Variants in ABHD16A observed in about 807,000 individuals in gnomAD.
ABHD16A encodes the protein abhydrolase domain containing 16A, phospholipase, also known as phosphatidylserine lipase ABHD16A.
In ABHD16A, 47 loss-of-function variants were observed where a neutral mutation model predicts 89.8. The ratio of observed to expected loss-of-function variants is 0.52; its 90% confidence interval spans 0.41 to 0.67. ABHD16A has a LOEUF of 0.67. ABHD16A is among the 30% of genes least tolerant of loss of function. The pLI is 0.00. For synonymous variants in ABHD16A, 251 were observed against 280.4 expected (o/e 0.90, Z 1.05); for missense variants, 580 against 734.6 (o/e 0.79, Z 2.43).
chr6:31,691,367 A>G, intron 9 of ABHD16A: 1 of 557,848 alleles, frequency 1.8e-6, no homozygotes, highest in Non-Finnish European at 3.2e-6. Flanking sequence ...GTAACTATTA[A>G]TATTAGTTTC....
chr6:31,687,725 C>G lies in ABHD16A; in HGVS notation c.1463G>C (p.Arg488Pro). ...SQLEEASIYS[R>P]WEVEEDWCLS... is the part of the protein sequence containing the mutation. Reference sequence around the variant, plus strand: ...ACACCAGTCCTCTTCCACCTCCCATCGGCTATAAATTGAGGCTGGTCAGGG... The same window carrying G: ...ACACCAGTCCTCTTCCACCTCCCATGGGCTATAAATTGAGGCTGGTCAGGG... Residue 488 changes from arginine to proline, a missense_variant, in exon 18 of 20, where the codon CGA becomes CCA. Around this residue, in one of 2 missense-constraint regions of ABHD16A, gnomAD observed 415 missense variants for 568.8 expected, o/e 0.73. Coordinates refer to ENST00000395952, the MANE Select transcript of ABHD16A (RefSeq NM_021160.3). The surrounding 1 kb of genome is among the most constrained non-coding windows in gnomAD (Gnocchi z 6.3). The G allele has an allele frequency of 1.2e-6, 2 of 1,612,838 alleles. No homozygotes were observed. The highest frequency in any genetic ancestry group is 1.1e-5 in the South Asian group (1 of 91,076).
At chr6:31,696,207 T>G (rs1804378673) in intron 5 of ABHD16A, among the ~76,000 whole-genome samples, 1 of 151,392 alleles carries the variant, frequency 6.6e-6, no homozygotes, top group African/African-American at 2.4e-5. Context: ...GGTGTGCACC[T>G]GTAATTCCAG....
In ABHD16A at chr6:31,688,953, G is replaced by C. The variant is rs1222792102; in HGVS notation, c.1186+62C>G. 2.6e-6 allele frequency: 4 copies of C among 1,521,130 alleles called. No individual in the cohort carries two copies. The African/African-American group carries it at 5.5e-5, about 21-fold the overall frequency. The allele number at this position is 1,521,130 out of a possible 1,614,324, so 94.2% of individuals were successfully genotyped here. ...CACCCAAGAAAAGGGAGCCATCTCA[G>C]AACAGTTCCCAGTTCCAGCCCACCC... On this transcript the variant is annotated intron_variant, in intron 13 of 19. Transcript: ENST00000395952. This position sits in a 1 kb window ranked among gnomAD's most constrained non-coding sequence, Gnocchi z 4.9.
In ABHD16A at chr6:31,702,019, AAG is replaced by A. The variant is rs1805059312; in HGVS notation, c.189+53_189+54del. ...TCCCAAGTTAGGGAGGGCTAAGTTC[AAG>A]AGGACAGGTGGGTCTGAAAGATGCA... On this transcript the variant is annotated intron_variant, in intron 2 of 19. Coordinates refer to ENST00000395952, the MANE Select transcript of ABHD16A (RefSeq NM_021160.3). 3 of 1,606,068 alleles carry A rather than the reference AAG, an allele frequency of 1.9e-6. No individual in the cohort carries two copies. The East Asian group carries it at 6.7e-5, about 36-fold the overall frequency.
At chr6:31,696,308 G>A (rs1804388202) in intron 5 of ABHD16A, among the ~76,000 whole-genome samples, 2 of 150,816 alleles carry the variant, frequency 1.3e-5, no homozygotes, top group South Asian at 2.1e-4. Context: ...TCCAGCCTGA[G>A]TAAGAGTGAG....
intron 2 of ABHD16A, among the ~76,000 whole-genome samples, chr6:31,701,765 G>C (rs919079039): frequency 1.7e-4 from 26 of 152,208 alleles, no homozygotes; most frequent in Non-Finnish European, 2.6e-4. Flanking sequence ...CAGCCAAAGA[G>C]GTTAGTTGCC....
intron 3 of ABHD16A, 73 bp from the exon 4 acceptor site, chr6:31,701,101 A>G (rs1332793162): frequency 5.0e-6 from 7 of 1,405,330 alleles, no homozygotes; most frequent in Non-Finnish European, 7.0e-6. Context: ...TTCAGCCCCA[A>G]CCTCCACCCC....
intron 1 of ABHD16A, chr6:31,702,530 G>A: frequency 8.2e-7 from 1 of 1,218,348 alleles, no homozygotes; most frequent in Non-Finnish European, 1.1e-6. Flanking sequence ...AAGAGAATGT[G>A]GGTAGGAGCG....
intron 1 of ABHD16A, chr6:31,702,538 G>T: frequency 7.7e-7 from 1 of 1,291,202 alleles, no homozygotes; most frequent in Non-Finnish European, 1.0e-6. Context: ...GTGGGTAGGA[G>T]CGGGCAGTTT....
chr6:31,702,909 G>A, intron 1 of ABHD16A: 6 of 1,303,630 alleles, frequency 4.6e-6, no homozygotes, highest in Non-Finnish European at 5.9e-6. Flanking sequence ...GGGGGACGCG[G>A]AGAGGAAAGA....
Position 31,688,451 on chromosome 6 carries a change from G to C in ABHD16A, c.1251-146C>G. 1 of 897,710 alleles carries C rather than the reference G, an allele frequency of 1.1e-6. No individual in the cohort carries two copies. Among genetic ancestry groups the C allele is most frequent in the Admixed American group, 2.4e-5 (1 of 41,784 alleles). 55.6% of individuals were successfully genotyped at this position (897,710 alleles called of 1,614,324 possible). ...CTAGCCCTTCACTCAGGGGTGAGAG[G>C]GGATTATTTAAGGGGCATGGTTCAG... On this transcript the variant is annotated intron_variant, in intron 14 of 19. Coordinates refer to ENST00000395952, the MANE Select transcript of ABHD16A (RefSeq NM_021160.3). The surrounding 1 kb of genome is among the most constrained non-coding windows in gnomAD (Gnocchi z 4.9).
chr6:31,689,720 CAA>C lies in ABHD16A; in HGVS notation c.958-18_958-17del, dbSNP rs1803675543. The C allele has an allele frequency of 6.2e-7, 1 of 1,603,568 alleles. No homozygotes were observed. Among genetic ancestry groups the C allele is most frequent in the African/African-American group, 1.3e-5 (1 of 74,822 alleles). On this transcript the variant is annotated splice_polypyrimidine_tract_variant and intron_variant, in intron 11 of 19. Coordinates refer to ENST00000395952, the MANE Select transcript of ABHD16A (RefSeq NM_021160.3). ...ATGGCACCCCCTGCAGGAGAAAGGGCAAAGTCAGGAGTGTGTCAGCACCAAAG... is the reference window on the plus strand; with the variant it reads ...ATGGCACCCCCTGCAGGAGAAAGGGCAGTCAGGAGTGTGTCAGCACCAAAG...
At chr6:31,691,951 C>T in intron 7 of ABHD16A, 33 bp from the exon 8 acceptor site, 1 of 1,536,958 alleles carries the variant, frequency 6.5e-7, no homozygotes, top group Non-Finnish European at 8.8e-7. Flanking sequence ...AACCCCAACC[C>T]TGTTGAGGCC....
Position 31,693,225 on chromosome 6 carries a change from G to A in ABHD16A, c.504-76C>T. The A allele has an allele frequency of 6.3e-7, 1 of 1,589,568 alleles. No individual in the cohort carries two copies. The highest frequency in any genetic ancestry group is 1.1e-5 in the South Asian group (1 of 88,722). On this transcript the variant is annotated intron_variant, in intron 6 of 19. Coordinates refer to ENST00000395952, the MANE Select transcript of ABHD16A (RefSeq NM_021160.3). The surrounding 1 kb of genome is among the most constrained non-coding windows in gnomAD (Gnocchi z 5.0). Reference sequence around the variant, plus strand: ...GATGTCTGAGGTCTGGAGAACAGTGGGGTCTAGGAACGACATAATGGCATT... The same window carrying A: ...GATGTCTGAGGTCTGGAGAACAGTGAGGTCTAGGAACGACATAATGGCATT...
In ABHD16A at chr6:31,688,837, C is replaced by T. The variant is rs570683409; in HGVS notation, c.1187-51G>A. 1.0e-4 allele frequency: 163 copies of T among 1,575,296 alleles called. No individual in the cohort carries two copies. The African/African-American group carries it at 1.2e-3, about 12-fold the overall frequency. On this transcript the variant is annotated intron_variant, in intron 13 of 19. Transcript: ENST00000395952. The surrounding 1 kb of genome is among the most constrained non-coding windows in gnomAD (Gnocchi z 4.9). ...TGGCAGAGACAAAGCCCTTGCCCAACATAAAGGTCCTCACTATTCACGGAG... is the reference window on the plus strand; with the variant it reads ...TGGCAGAGACAAAGCCCTTGCCCAATATAAAGGTCCTCACTATTCACGGAG...
At position 31,690,079 on chromosome 6, in the gene ABHD16A, G is replaced by T; in HGVS notation, c.956C>A (p.Thr319Lys). 1 of 1,595,730 alleles carries T rather than the reference G, an allele frequency of 6.3e-7. No homozygotes were observed. Among genetic ancestry groups the T allele is most frequent in the Non-Finnish European group, 8.5e-7 (1 of 1,171,986 alleles). The change falls in exon 11 of 20, where the codon ACG (threonine) becomes AAG (lysine). Residue 319 changes from threonine (T) to lysine (K), a missense_variant and splice_region_variant. This residue lies in a region of ABHD16A where 415 missense variants were observed against 568.8 expected (regional missense o/e 0.73). Transcript: ENST00000395952. This position sits in a 1 kb window ranked among gnomAD's most constrained non-coding sequence, Gnocchi z 4.1. ...AAGGGATTCCTGAGATGGTCTCACCGTGCTTCCAGCAAAGCCTGGATGATT... is the reference window on the plus strand; with the variant it reads ...AAGGGATTCCTGAGATGGTCTCACCTTGCTTCCAGCAAAGCCTGGATGATT... ...GWNHPGFAGS[T>K]GVPFPQNEAN...
chr6:31,702,953 A>ATAC, intron 1 of ABHD16A, 197 bp downstream of exon 1: 1 of 1,297,434 alleles, frequency 7.7e-7, no homozygotes, highest in Non-Finnish European at 9.8e-7. Flanking sequence ...GAAAGCGGTA[A>ATAC]AGAGCGAAAA....
chr6:31,701,413 T>C lies in ABHD16A; in HGVS notation c.190-73A>G, dbSNP rs935076456. ...CACCTGCCATTCCAGGCATATACTATACACTCTGAGCAAGATGGACAACCT... is the reference window on the plus strand; with the variant it reads ...CACCTGCCATTCCAGGCATATACTACACACTCTGAGCAAGATGGACAACCT... On this transcript the variant is annotated intron_variant, in intron 2 of 19. Coordinates refer to ENST00000395952, the MANE Select transcript of ABHD16A (RefSeq NM_021160.3). The C allele has an allele frequency of 3.0e-6, 4 of 1,325,644 alleles. No homozygotes were observed. The African/African-American group carries it at 4.4e-5, about 14-fold the overall frequency. 82.1% of individuals were successfully genotyped at this position (1,325,644 alleles called of 1,614,324 possible). A position where few individuals can be genotyped will look rare whatever the true frequency, so the allele number is the denominator to read the frequency against.
Position 31,690,373 on chromosome 6 carries a change from G to A in ABHD16A, c.907+166C>T, listed in dbSNP as rs1803753671. ...TAGCTAGGGACACAGGCCAGGGGAG[G>A]GATGTAAGGTTATCAAAGCAAATGG... On this transcript the variant is annotated intron_variant, in intron 10 of 19. Transcript: ENST00000395952. The surrounding 1 kb of genome is among the most constrained non-coding windows in gnomAD (Gnocchi z 4.1). 2.6e-6 allele frequency: 2 copies of A among 757,128 alleles called. No homozygotes were observed. The highest frequency in any genetic ancestry group is 4.5e-6 in the Non-Finnish European group (2 of 447,022). The allele number at this position is 757,128 out of a possible 1,614,324, so 46.9% of individuals were successfully genotyped here. A position where few individuals can be genotyped will look rare whatever the true frequency, so the allele number is the denominator to read the frequency against.
Sources: allele counts gnomAD v4.1 joint callset (sites outside exome capture counted in the v4.1 genomes callset), GRCh38; gene constraint gnomAD v4.1.1; regional missense constraint gnomAD v4.1.1; non-coding constraint Gnocchi (gnomAD v3.1); transcripts MANE v1.5; gene names NCBI Gene and HGNC (gene_info 2026-07-23, HGNC 2026-07-21).